CRIP2: variants seen among roughly 807,000 people sequenced by gnomAD.
CRIP2 encodes the protein cysteine rich protein 2, also known as cysteine-rich protein 2.
CRIP2 carries 31 observed loss-of-function variants against 31.3 expected under a neutral mutation model. That is an observed-to-expected ratio of 0.99 (90% CI 0.74 to 1.34). The LOEUF is 1.34. Ranked by LOEUF, CRIP2 falls within the 40% of genes most tolerant of loss-of-function variation. The pLI, the probability that CRIP2 is intolerant of heterozygous loss-of-function variation, is 0.00. For missense variants in CRIP2, 389 were observed against 301.6 expected (o/e 1.29, Z -2.15); for synonymous variants, 177 against 127.2 (o/e 1.39, Z -2.63).
Position 105,479,628 on chromosome 14 carries a change from A to C in CRIP2, c.602A>C (p.Asp201Ala), listed in dbSNP as rs1595458924. 6.2e-7 allele frequency: 1 copy of C among 1,612,506 alleles called. No individual in the cohort carries two copies. Among genetic ancestry groups the C allele is most frequent in the South Asian group, 1.1e-5 (1 of 91,034 alleles). ...GAVGSYIYDR[D>A]PEGKVQP is the part of the protein sequence containing the mutation. ...GTGGGCAGCTACATCTATGACCGGG[A>C]CCCCGAAGGCAAGGTCCAGCCCTAG... The change falls in exon 8 of 8, where the codon GAC becomes GCC. Residue 201 changes from aspartate (D) to alanine (A), a missense_variant. Transcript: ENST00000329146.
In CRIP2 at chr14:105,479,200, C is replaced by A. The variant is rs1299997573; in HGVS notation, c.482C>A (p.Thr161Asn). The part of the protein sequence containing the change: ...LRCERCGKTL[T>N]PGGHAEHDGQ... ...TGCGAGCGCTGCGGGAAGACACTGA[C>A]CCCCGGCGGGCACGCGGAGGTGAGG... The change falls in exon 6 of 8, where the codon ACC (threonine) becomes AAC (asparagine). Residue 161 changes from threonine (T) to asparagine (N), a missense_variant. Coordinates refer to ENST00000329146, the MANE Select transcript of CRIP2 (RefSeq NM_001312.4). 2 of 1,611,160 alleles carry A rather than the reference C, an allele frequency of 1.2e-6. No individual in the cohort carries two copies. Among genetic ancestry groups the A allele is most frequent in the East Asian group, 2.2e-5 (1 of 44,828 alleles).
chr14:105,476,659 C>T, intron 1 of CRIP2: 1 of 984,648 alleles, frequency 1.0e-6, no homozygotes. Context: ...TGGGCTGCAG[C>T]TGCCACGGCC....
Position 105,479,712 on chromosome 14 carries a change from C to T in CRIP2, c.*59C>T. The stretch of plus-strand genomic sequence containing the variant: ...CGCCCCAGACCCTGCAGGGGCCCCC[C>T]TGCTTGGCTCTGCTGGGAGAGTGCT... On this transcript the variant is annotated 3_prime_UTR_variant, in exon 8 of 8. Transcript: ENST00000329146. 5.2e-6 allele frequency: 8 copies of T among 1,539,580 alleles called. No homozygotes were observed. The highest frequency in any genetic ancestry group is 3.5e-5 in the South Asian group (3 of 85,548).
chr14:105,476,284 C>T (rs1027927054), intron 1 of CRIP2: 6 of 985,388 alleles, frequency 6.1e-6, no homozygotes, highest in South Asian at 4.7e-5. Context: ...CTGCCTGGCC[C>T]GCCCAGCCTC....
rs781985704 is a variant in CRIP2 at position 105,479,637 on chromosome 14, G to A, written c.611G>A (p.Gly204Asp). Residue 204 changes from glycine (G) to aspartate (D), a missense_variant, in exon 8 of 8, where the codon GGC becomes GAC. Coordinates refer to ENST00000329146, the MANE Select transcript of CRIP2 (RefSeq NM_001312.4). ...GSYIYDRDPE[G>D]KVQP ...TACATCTATGACCGGGACCCCGAAG[G>A]CAAGGTCCAGCCCTAGGCTACAGCG... The A allele has an allele frequency of 5.6e-6, 9 of 1,612,488 alleles. No individual in the cohort carries two copies. The highest frequency in any genetic ancestry group is 4.0e-5 in the African/African-American group (3 of 75,046).
chr14:105,473,062 TAGCAAA>T, upstream of CRIP2: 1 of 466,084 alleles, frequency 2.1e-6, no homozygotes, highest in Non-Finnish European at 3.8e-6. Flanking sequence ...GCCCCACAGG[TAGCAAA>T]GTCAGGGAGG....
At chr14:105,479,271 G>A (rs2084033264) in intron 6 of CRIP2, 52 bp downstream of exon 6, 2 of 1,545,844 alleles carry the variant, frequency 1.3e-6, no homozygotes, top group African/African-American at 1.4e-5. Context: ...CGGGGTCGGG[G>A]GGATGAGGGT....
At chr14:105,475,174 G>A (rs962376496) in intron 1 of CRIP2, 21 of 354,742 alleles carry the variant, frequency 5.9e-5, no homozygotes, top group African/African-American at 4.5e-4. Flanking sequence ...GTGGTGCCCC[G>A]GGATGAGGCC....
intron 6 of CRIP2, 46 bp from the exon 7 acceptor site, chr14:105,479,390 G>T (rs1291855812): frequency 2.7e-5 from 43 of 1,610,372 alleles, no homozygotes; most frequent in Non-Finnish European, 3.2e-5. Context: ...GTGATGGGTC[G>T]GGGGAGTCTG....
intron 1 of CRIP2, chr14:105,476,138 G>C: frequency 1.0e-6 from 1 of 985,500 alleles, no homozygotes; most frequent in Non-Finnish European, 1.2e-6. Flanking sequence ...TCTCTGTAAG[G>C]CTTAGGGTGG....
chr14:105,473,299 G>A (rs2083872674), upstream of CRIP2: 2 of 1,532,878 alleles, frequency 1.3e-6, no homozygotes, highest in Non-Finnish European at 1.7e-6. Context: ...AAGTGCAGAG[G>A]GGGAGCTGGT....
Position 105,479,172 on chromosome 14 carries a change from C to T in CRIP2, c.454C>T (p.Arg152Cys). 2.5e-6 allele frequency: 4 copies of T among 1,611,612 alleles called. No homozygotes were observed. The highest frequency in any genetic ancestry group is 2.2e-5 in the East Asian group (1 of 44,840). ...CAAGGATTGGCACCGGCCCTGCCTG[C>T]GCTGCGAGCGCTGCGGGAAGACACT... ...LGKDWHRPCL[R>C]CERCGKTLTP... Residue 152 changes from arginine to cysteine, a missense_variant, in exon 6 of 8, where the codon CGC becomes TGC. Coordinates refer to ENST00000329146, the MANE Select transcript of CRIP2 (RefSeq NM_001312.4).
At position 105,479,051 on chromosome 14, in the gene CRIP2, A is replaced by C; in HGVS notation, c.406+4A>C. ...TGCAGCAAGAAGGTGTACTTCGGTG[A>C]GTGCGCGCCCGGGCCCCGGACCCCC... On this transcript the variant is annotated splice_donor_region_variant and intron_variant, in intron 5 of 7. Transcript: ENST00000329146. 1 of 1,571,464 alleles carries C rather than the reference A, an allele frequency of 6.4e-7. No individual in the cohort carries two copies. Among genetic ancestry groups the C allele is most frequent in the Non-Finnish European group, 8.6e-7 (1 of 1,160,430 alleles).
upstream of CRIP2, chr14:105,474,299 G>C (rs1272887956): frequency 6.6e-6 from 1 of 151,768 alleles, no homozygotes; most frequent in Non-Finnish European, 1.5e-5. This position sits in a 1 kb window ranked among gnomAD's most constrained non-coding sequence, Gnocchi z 5.1. Flanking sequence ...CTCCGCTCCC[G>C]CGGCGCGGCT....
In CRIP2 at chr14:105,478,788, C is replaced by A. The variant is rs1555436514; in HGVS notation, c.254C>A (p.Pro85Gln). 1 of 1,432,874 alleles carries A rather than the reference C, an allele frequency of 7.0e-7. No homozygotes were observed. Among genetic ancestry groups the A allele is most frequent in the African/African-American group, 1.5e-5 (1 of 68,026 alleles). The allele number at this position is 1,432,874 out of a possible 1,614,324, so 88.8% of individuals were successfully genotyped here. Reference protein sequence around the residue: ...YIYEKPLAEGPQVTGPIEVPA... With the variant: ...YIYEKPLAEGQQVTGPIEVPA... ...TACGAGAAGCCCCTGGCGGAGGGGC[C>A]GCAGGTCACCGGCCCCATCGAGGTC... is the stretch of plus-strand genomic sequence containing the variant. The change falls in exon 4 of 8, where the codon CCG (proline) becomes CAG (glutamine). Residue 85 changes from proline (P) to glutamine (Q), a missense_variant. By Grantham distance (76) the Pro-to-Gln change is moderately conservative. Coordinates refer to ENST00000329146, the MANE Select transcript of CRIP2 (RefSeq NM_001312.4). This position sits in a 1 kb window ranked among gnomAD's most constrained non-coding sequence, Gnocchi z 4.9.
Position 105,479,801 on chromosome 14 carries a change from GCAC to G in CRIP2, c.*151_*153del. The G allele has an allele frequency of 1.2e-6, 1 of 807,742 alleles. No homozygotes were observed. Among genetic ancestry groups the G allele is most frequent in the Non-Finnish European group, 2.0e-6 (1 of 505,962 alleles). The allele number at this position is 807,742 out of a possible 1,614,324, so 50.0% of individuals were successfully genotyped here. ...TGGAGGAGGGGCAGCCACGGGCAGA[GCAC>G]CATGCCCATCCCCGAGTCTCTGGTG... On this transcript the variant is annotated 3_prime_UTR_variant, in exon 8 of 8. Transcript: ENST00000329146.
chr14:105,475,085 T>A (rs1039269152), intron 1 of CRIP2, among the ~76,000 whole-genome samples, 180 bp downstream of exon 1: 2 of 152,266 alleles, frequency 1.3e-5, no homozygotes, highest in East Asian at 3.9e-4. Flanking sequence ...AGGGTGGGGC[T>A]GCGCGAAAGC....
At chr14:105,476,810 T>G in intron 1 of CRIP2, 2 of 976,110 alleles carry the variant, frequency 2.0e-6, no homozygotes, top group Non-Finnish European at 2.4e-6. Flanking sequence ...AGCCTTGTGG[T>G]TGGGCTGGTG....
At position 105,478,321 on chromosome 14, in the gene CRIP2, G is replaced by A. The variant is rs141224540; in HGVS notation, c.99G>A (p.Glu33=). 1 of 1,571,164 alleles carries A rather than the reference G, an allele frequency of 6.4e-7. No homozygotes were observed. The highest frequency in any genetic ancestry group is 8.6e-7 in the Non-Finnish European group (1 of 1,161,362). The change falls in exon 2 of 8, where the codon GAG becomes GAA. Residue 33 remains glutamate (E), a synonymous_variant. Coordinates refer to ENST00000329146, the MANE Select transcript of CRIP2 (RefSeq NM_001312.4). This position sits in a 1 kb window ranked among gnomAD's most constrained non-coding sequence, Gnocchi z 4.9. ...KDWHKFCLKC[E]RCSKTLTPGG... ...GGCACAAGTTCTGCCTCAAGTGCGA[G>A]CGCTGCAGCAAGACGCTGACGCCCG...
Sources: allele counts gnomAD v4.1 joint callset (sites outside exome capture counted in the v4.1 genomes callset), GRCh38; gene constraint gnomAD v4.1.1; non-coding constraint Gnocchi (gnomAD v3.1); transcripts MANE v1.5; gene names NCBI Gene and HGNC (gene_info 2026-07-23, HGNC 2026-07-21).